Variants in CNBD1 observed in about 807,000 individuals in gnomAD.
CNBD1 encodes cyclic nucleotide-binding domain-containing protein 1.
Under a neutral mutation model 54.4 loss-of-function variants are expected in CNBD1, and 71 were observed. The observed-to-expected ratio is 1.30, with a 90% CI of 1.08 to 1.59. CNBD1 has a LOEUF of 1.59. Among genes scored for constraint, CNBD1 ranks in the 40% most tolerant of loss-of-function variants. The pLI is 0.00. For missense variants in CNBD1, 659 were observed against 518.0 expected (o/e 1.27, Z -2.64); for synonymous variants, 182 against 170.7 (o/e 1.07, Z -0.51).
intron 4 of CNBD1, among the ~76,000 whole-genome samples, chr8:87,072,061 G>A (rs556828660): frequency 7.9e-5 from 12 of 152,124 alleles, no homozygotes; most frequent in Non-Finnish European, 1.6e-4. Flanking sequence ...TTACCATTAT[G>A]TAATGCCCTT....
chr8:87,380,744 T>G (rs1811056440), intron 10 of CNBD1, among the ~76,000 whole-genome samples: 1 of 152,008 alleles, frequency 6.6e-6, no homozygotes, highest in African/African-American at 2.4e-5. Flanking sequence ...TTAGCTAAGT[T>G]TATTCTAAGT....
chr8:87,370,171 A>G lies in CNBD1; in HGVS notation c.1304-12449A>G, dbSNP rs1425180540. ...GTTCCAAGTCTTTGCTATTGTGAAT[A>G]GTGCCGCAATAAACATACGTGTGCA... is the stretch of plus-strand genomic sequence containing the variant. On this transcript the variant is annotated intron_variant, in intron 10 of 10. Transcript: ENST00000518476. Among the ~76,000 whole-genome samples, 28 of 151,938 alleles carry G rather than the reference A, an allele frequency of 1.8e-4. No homozygotes were observed. In the East Asian group the frequency reaches 5.2e-3, roughly 28 times the overall value.
intron 8 of CNBD1, among the ~76,000 whole-genome samples, chr8:87,351,270 G>C (rs985960630): frequency 2.0e-5 from 3 of 152,098 alleles, no homozygotes; most frequent in Non-Finnish European, 4.4e-5. Flanking sequence ...TATAGGCTCT[G>C]GAAAGTGAAT....
chr8:87,228,323 T>C (rs1563515425), intron 5 of CNBD1, among the ~76,000 whole-genome samples: 1 of 150,974 alleles, frequency 6.6e-6, no homozygotes, highest in Non-Finnish European at 1.5e-5. Flanking sequence ...CACTCTGATT[T>C]TTAGAGTTTC....
At chr8:87,227,711 G>C (rs201310359) in intron 5 of CNBD1, among the ~76,000 whole-genome samples, 4 of 146,274 alleles carry the variant, frequency 2.7e-5, no homozygotes, top group Non-Finnish European at 5.9e-5. Flanking sequence ...ATCTGACAAT[G>C]ATGTGTCTTG....
intron 4 of CNBD1, among the ~76,000 whole-genome samples, chr8:87,097,458 G>T (rs548569448): frequency 2.0e-5 from 3 of 152,260 alleles, no homozygotes; most frequent in African/African-American, 4.8e-5. Context: ...ACTTCGATGT[G>T]TACCAAGAAA....
intron 4 of CNBD1, among the ~76,000 whole-genome samples, chr8:87,043,961 G>C (rs895634570): frequency 6.6e-6 from 1 of 152,004 alleles, no homozygotes; most frequent in African/African-American, 2.4e-5. Context: ...CTTCTACCTT[G>C]GACTTTATTG....
intron 4 of CNBD1, among the ~76,000 whole-genome samples, chr8:86,988,208 C>T (rs547180197): frequency 8.4e-4 from 121 of 143,296 alleles, no homozygotes; most frequent in Non-Finnish European, 1.6e-3. Context: ...TTTAGGTTTT[C>T]ACTTTCTTCC....
intron 4 of CNBD1, among the ~76,000 whole-genome samples, chr8:86,994,282 G>C (rs56772881): frequency 6.6e-6 from 1 of 152,284 alleles, no homozygotes; most frequent in South Asian, 2.1e-4. Flanking sequence ...GAAACTACTC[G>C]GGGAGCAAAT....
chr8:87,411,130 T>C (rs985570879), intron 2 of CNBD1, among the ~76,000 whole-genome samples: 2 of 151,864 alleles, frequency 1.3e-5, no homozygotes, highest in East Asian at 1.9e-4. Flanking sequence ...GAAATACAAG[T>C]ATGCTTGCAT....
intron 2 of CNBD1, among the ~76,000 whole-genome samples, chr8:87,388,512 A>T (rs1811238592): frequency 6.6e-6 from 1 of 152,228 alleles, no homozygotes; most frequent in African/African-American, 2.4e-5. Flanking sequence ...AGAAATGGAT[A>T]AATTCCTCGA....
intron 8 of CNBD1, among the ~76,000 whole-genome samples, chr8:87,333,983 TA>T (rs964540641): frequency 1.3e-5 from 2 of 152,158 alleles, no homozygotes; most frequent in Non-Finnish European, 1.5e-5. Context: ...ATTCGGCTGT[TA>T]ATCCATCTGG....
chr8:86,932,380 C>T (rs755291434), intron 3 of CNBD1, among the ~76,000 whole-genome samples: 7 of 151,898 alleles, frequency 4.6e-5, no homozygotes, highest in African/African-American at 1.5e-4. Flanking sequence ...TTTTTTGGTC[C>T]CTTGGAGATT....
At position 87,326,014 on chromosome 8, in the gene CNBD1, C is replaced by T. The variant is rs553985305; in HGVS notation, c.1043-25671C>T. ...GGCAGGCCTGGTGGTGACAAAATCT[C>T]TCAGCATTTGCTTGTCTGTAAAGTA... On this transcript the variant is annotated intron_variant, in intron 8 of 10. Transcript: ENST00000518476. Among the ~76,000 whole-genome samples the T allele has an allele frequency of 1.5e-3, 176 of 114,206 alleles. 7 individuals are homozygous for T. The highest frequency in any genetic ancestry group is 1.8e-3 in the Non-Finnish European group (96 of 52,062). The allele number at this position is 114,206 out of a possible 152,430, so 74.9% of individuals were successfully genotyped here.
chr8:86,967,257 C>T (rs1480068572), intron 4 of CNBD1, among the ~76,000 whole-genome samples: 3 of 152,196 alleles, frequency 2.0e-5, no homozygotes, highest in African/African-American at 7.2e-5. Flanking sequence ...TGGCTGAAGC[C>T]ACACCCAGGA....
rs574510108 is a variant in CNBD1, at chr8:86,961,449, C to T, written c.431+21695C>T. ...CCTGGATACATGCAATGCAATCTTACTTTCCTATTCAACAGTAAACTCCAG... is the reference window on the plus strand; with the variant it reads ...CCTGGATACATGCAATGCAATCTTATTTTCCTATTCAACAGTAAACTCCAG... On this transcript the variant is annotated intron_variant, in intron 4 of 10. Coordinates refer to ENST00000518476, the MANE Select transcript of CNBD1 (RefSeq NM_173538.3). Among the ~76,000 whole-genome samples the T allele has an allele frequency of 3.3e-5, 5 of 152,354 alleles. No homozygotes were observed. In the South Asian group the frequency reaches 1.0e-3, roughly 32 times the overall value.
intron 5 of CNBD1, among the ~76,000 whole-genome samples, chr8:87,211,075 G>A (rs1814088029): frequency 6.6e-6 from 1 of 152,164 alleles, no homozygotes; most frequent in Admixed American, 6.5e-5. Context: ...GTACCAGTGT[G>A]CTCCAGATTT....
intron 4 of CNBD1, among the ~76,000 whole-genome samples, chr8:87,006,945 C>T (rs1023130203): frequency 2.0e-5 from 3 of 152,116 alleles, no homozygotes; most frequent in Non-Finnish European, 4.4e-5. Flanking sequence ...GCCTGTAATC[C>T]CAGGACTTTG....
intron 4 of CNBD1, among the ~76,000 whole-genome samples, chr8:87,003,190 A>C (rs888506024): frequency 1.3e-5 from 2 of 152,192 alleles, no homozygotes; most frequent in African/African-American, 4.8e-5. Flanking sequence ...TCTTTTGTAG[A>C]TATGAAGGGA....
Sources: gnomAD v4.1 joint callset for allele counts (sites outside exome capture counted in the v4.1 genomes callset) on GRCh38, gnomAD v4.1.1 for gene constraint, MANE v1.5 for transcripts, NCBI Gene and HGNC (gene_info 2026-07-23, HGNC 2026-07-21) for gene names.